The following IL4I1 variants were observed in gnomAD, a reference collection of about 807,000 sequenced individuals.
IL4I1 encodes the protein interleukin 4 induced 1.
IL4I1 carries 24 observed loss-of-function variants against 29.7 expected under a neutral mutation model. The observed-to-expected ratio is 0.81, with a 90% CI of 0.59 to 1.14. The LOEUF is 1.14. IL4I1 is among the 50% of genes most tolerant of loss of function. The pLI, the probability that IL4I1 is intolerant of heterozygous loss-of-function variation, is 0.00. For synonymous variants in IL4I1, 371 were observed against 352.5 expected, an observed-to-expected ratio of 1.05 and a Z score of -0.59; for missense variants, 686 against 785.6, an observed-to-expected ratio of 0.87 and a Z score of 1.52.
chr19:49,909,893 G>A, intron 2 of IL4I1: 3 of 1,442,008 alleles, frequency 2.1e-6, no homozygotes, highest in Non-Finnish European at 2.9e-6. Flanking sequence ...TTCTAAAGCA[G>A]AGGAAGTGAC....
intron 1 of IL4I1, 147 bp from the exon 2 acceptor site, chr19:49,896,329 T>C: frequency 9.8e-7 from 1 of 1,015,638 alleles, no homozygotes; most frequent in Non-Finnish European, 1.4e-6. Flanking sequence ...CCTAACCCCA[T>C]TCCTTCAGAG....
At chr19:49,918,394 C>G (rs1460552914) in intron 2 of IL4I1, 2 of 152,186 alleles carry the variant, frequency 1.3e-5, no homozygotes, top group East Asian at 3.9e-4. Flanking sequence ...AAATCTGTGA[C>G]ATGGAAGAGC....
rs2075139620 is a variant in IL4I1, at chr19:49,891,560, CGTGGTT to C, written c.568-93_568-88del. ...CTGGAGCCCACACTCGGCTTCTCCT[CGTGGTT>C]CTGCCCACGGCTGGCCATTCACCAC... On this transcript the variant is annotated intron_variant, in intron 5 of 7. Transcript: ENST00000391826. The C allele has an allele frequency of 5.0e-6, 6 of 1,198,600 alleles. No homozygotes were observed. In the African/African-American group the frequency reaches 7.5e-5, roughly 15 times the overall value. 74.2% of individuals were successfully genotyped at this position (1,198,600 alleles called of 1,614,324 possible). A position where few individuals can be genotyped will look rare whatever the true frequency, so the allele number is the denominator to read the frequency against.
intron 2 of IL4I1, among the ~76,000 whole-genome samples, chr19:49,910,135 G>A (rs986530909): frequency 1.3e-5 from 2 of 152,154 alleles, no homozygotes; most frequent in African/African-American, 4.8e-5. Flanking sequence ...CCCACTCTGT[G>A]GAGGACGAGG....
intron 1 of IL4I1, chr19:49,928,617 C>G (rs377249129): frequency 6.6e-6 from 1 of 151,910 alleles, no homozygotes; most frequent in Non-Finnish European, 1.5e-5. Context: ...ACCCACCAGG[C>G]GAGTTGATTT....
chr19:49,923,259 C>T (rs1042267438), intron 2 of IL4I1, among the ~76,000 whole-genome samples: 1 of 152,210 alleles, frequency 6.6e-6, no homozygotes, highest in Admixed American at 6.5e-5. Flanking sequence ...AGGACTCCCA[C>T]CTTCAACCCC....
At chr19:49,924,325 C>T (rs950593841) in intron 2 of IL4I1, among the ~76,000 whole-genome samples, 12 of 152,162 alleles carry the variant, frequency 7.9e-5, no homozygotes, top group Non-Finnish European at 1.2e-4. Context: ...GGGTCCTGCA[C>T]GGGTGGCTGA....
chr19:49,889,970 G>T lies in IL4I1; in HGVS notation c.1404C>A (p.Asp468Glu), dbSNP rs1297211395. 6.3e-7 allele frequency: 1 copy of T among 1,580,448 alleles called. No homozygotes were observed. Among genetic ancestry groups the T allele is most frequent in the Non-Finnish European group, 8.6e-7 (1 of 1,163,524 alleles). Residue 468 changes from aspartate (D) to glutamate (E), a missense_variant, in exon 8 of 8, where the codon GAC becomes GAA. By Grantham distance (45) the Asp-to-Glu change is conservative. Transcript: ENST00000391826. ...AGATGCGGCCATAAGGGACCGTCCA[G>T]TCATCCTTTTCGGTTTGCCAGAGCG... ...PPALWQTEKD[D>E]WTVPYGRIYF... is the part of the protein sequence containing the mutation.
chr19:49,905,994 T>A (rs2075317535), intron 2 of IL4I1, among the ~76,000 whole-genome samples: 1 of 151,968 alleles, frequency 6.6e-6, no homozygotes, highest in African/African-American at 2.4e-5. Flanking sequence ...CAGACTGAGA[T>A]GGAACAGGCA....
rs906654970 is a variant in IL4I1 at position 49,890,411 on chromosome 19, C to G, written c.963G>C (p.Thr321=). The G allele has an allele frequency of 2.4e-5, 39 of 1,608,680 alleles. No individual in the cohort carries two copies. Among genetic ancestry groups the G allele is most frequent in the Non-Finnish European group, 3.1e-5 (36 of 1,178,866 alleles). ...TGCGCTTCACCGCCGGTCCGCTCGC[C>G]GTCAGCAGCACCACGTCGGCCTTCA... ...KVLKADVVLL[T]ASGPAVKRIT... Residue 321 remains threonine (T), a synonymous_variant, in exon 8 of 8, where the codon ACG becomes ACC. Coordinates refer to ENST00000391826, the MANE Select transcript of IL4I1 (RefSeq NM_152899.2).
chr19:49,894,088 A>C (rs937366010), intron 5 of IL4I1, among the ~76,000 whole-genome samples, 180 bp downstream of exon 5: 1 of 151,592 alleles, frequency 6.6e-6, no homozygotes, highest in Non-Finnish European at 1.5e-5. Context: ...TTCAGTGAGT[A>C]GGTCAGTGGT....
At chr19:49,917,254 G>A (rs1385496605) in intron 2 of IL4I1, among the ~76,000 whole-genome samples, 1 of 152,190 alleles carries the variant, frequency 6.6e-6, no homozygotes, top group East Asian at 1.9e-4. Flanking sequence ...CTCCAACACT[G>A]CCTTCCCTCA....
At chr19:49,890,938 C>A (rs572843531) in intron 7 of IL4I1, 33 bp downstream of exon 7, 21 of 359,758 alleles carry the variant, frequency 5.8e-5, no homozygotes, top group South Asian at 1.5e-4. Flanking sequence ...TGCCCCCCGC[C>A]CCCCCCCCCT....
chr19:49,891,128 G>A (rs2075133186), intron 6 of IL4I1, 21 bp from the exon 7 acceptor site: 3 of 1,608,448 alleles, frequency 1.9e-6, no homozygotes, highest in Non-Finnish European at 2.5e-6. Context: ...GGCACAGGCC[G>A]AGGTTAGGGC....
chr19:49,908,679 G>A lies in IL4I1; in HGVS notation c.-227-4358C>T, dbSNP rs371358546. The A allele has an allele frequency of 2.1e-5, 34 of 1,611,922 alleles. No individual in the cohort carries two copies. The highest frequency in any genetic ancestry group is 1.6e-4 in the Middle Eastern group (1 of 6,062). On this transcript the variant is annotated intron_variant, in intron 2 of 9. Coordinates refer to the IL4I1 transcript ENST00000341114. ...TCCAGCTTCACCTTCTCCACCTCGCGGTGCAGGCTGGTGATCTTTTCTCCA... is the reference window on the plus strand; with the variant it reads ...TCCAGCTTCACCTTCTCCACCTCGCAGTGCAGGCTGGTGATCTTTTCTCCA...
intron 3 of IL4I1, among the ~76,000 whole-genome samples, chr19:49,902,594 G>A (rs768226093): frequency 1.6e-4 from 24 of 152,220 alleles, no homozygotes; most frequent in Non-Finnish European, 2.9e-4. Flanking sequence ...TTGGGAGGCC[G>A]AGGTGAGCGG....
intron 2 of IL4I1, chr19:49,909,058 A>G (rs1399191388): frequency 6.2e-7 from 1 of 1,612,970 alleles, no homozygotes; most frequent in South Asian, 1.1e-5. Flanking sequence ...GTGTCCCAGC[A>G]GTGGGGGCGC....
intron 7 of IL4I1, 137 bp downstream of exon 7, chr19:49,890,834 C>T: frequency 1.2e-6 from 1 of 844,546 alleles, no homozygotes; most frequent in Non-Finnish European, 1.8e-6. Context: ...TCTGGGAACC[C>T]TTAGCCCCGC....
intron 1 of IL4I1, 110 bp downstream of exon 1, chr19:49,896,725 C>T (rs1006990905): frequency 2.0e-5 from 13 of 663,890 alleles, no homozygotes; most frequent in African/African-American, 3.9e-5. Context: ...TGAGCCCCCG[C>T]GCCCGGCCTC....
Sources: allele counts gnomAD v4.1 joint callset (sites outside exome capture counted in the v4.1 genomes callset), GRCh38; gene constraint gnomAD v4.1.1; transcripts MANE v1.5; gene names NCBI Gene and HGNC (gene_info 2026-07-23, HGNC 2026-07-21).